FLI1: variants seen among roughly 807,000 people sequenced by gnomAD.
FLI1 encodes the protein Friend leukemia integration 1 transcription factor.
Under a neutral mutation model 53.1 loss-of-function variants are expected in FLI1, and 13 were observed. The ratio of observed to expected loss-of-function variants is 0.24; its 90% CI spans 0.16 to 0.39. The LOEUF is 0.39. Ranked by LOEUF, FLI1 falls within the 10% of genes least tolerant of loss-of-function variation. The probability of loss-of-function intolerance (pLI) is 1.00; values close to 1 mark genes in which losing one functional copy is unlikely to be tolerated. For missense variants in FLI1, 424 were observed against 600.5 expected (o/e 0.71, Z 3.07); for synonymous variants, 244 against 236.7 (o/e 1.03, Z -0.28).
upstream of FLI1, among the ~76,000 whole-genome samples, chr11:128,689,724 G>A (rs1937661826): frequency 6.6e-6 from 1 of 152,232 alleles, no homozygotes; most frequent in African/African-American, 2.4e-5. Context: ...CACTGGGCGA[G>A]GGTCTGGACA....
rs373372434 is a variant in FLI1 at position 128,778,904 on chromosome 11, T to G, written c.590-3054T>G. Among the ~76,000 whole-genome samples the G allele has an allele frequency of 1.7e-4, 26 of 152,244 alleles. No homozygotes were observed. The East Asian group carries it at 5.0e-3, about 29-fold the overall frequency. On this transcript the variant is annotated intron_variant, in intron 4 of 8. Transcript: ENST00000527786. ...AAGAAAACAGAGCCTGGGGAACTAA[T>G]GAAGTAGAAATCGGAGAAGAGGAGG...
chr11:128,725,373 AGGC>A (rs1162825725), intron 1 of FLI1, among the ~76,000 whole-genome samples: 1 of 152,162 alleles, frequency 6.6e-6, no homozygotes, highest in African/African-American at 2.4e-5. Context: ...GCAGGACATA[AGGC>A]GGCCGGCCGG....
intron 5 of FLI1, among the ~76,000 whole-genome samples, chr11:128,799,547 C>A (rs1369997654): frequency 2.0e-5 from 3 of 152,166 alleles, no homozygotes; most frequent in Non-Finnish European, 4.4e-5. Flanking sequence ...CTCCACAAGG[C>A]CAATGGCGGA....
rs2135926074 is a variant in FLI1, at chr11:128,810,938, C to T, written c.1309C>T (p.Pro437Ser). The change falls in exon 9 of 9, where the codon CCC becomes TCC. Residue 437 changes from proline (P) to serine (S), a missense_variant. By Grantham distance (74) the Pro-to-Ser change is moderately conservative. Around this residue, in one of 5 missense-constraint regions of FLI1, gnomAD observed 87 missense variants for 100.0 expected, o/e 0.87. Coordinates refer to ENST00000527786, the MANE Select transcript of FLI1 (RefSeq NM_002017.5). This position sits in a 1 kb window ranked among gnomAD's most constrained non-coding sequence, Gnocchi z 6.6. Reference protein sequence around the residue: ...TGGIYPNPNVPRHPNTHVPSH... With the variant: ...TGGIYPNPNVSRHPNTHVPSH... ...GGGAATCTACCCCAACCCCAACGTCCCCCGCCATCCTAACACCCACGTGCC... is the reference window on the plus strand; with the variant it reads ...GGGAATCTACCCCAACCCCAACGTCTCCCGCCATCCTAACACCCACGTGCC... The T allele has an allele frequency of 1.9e-6, 3 of 1,614,054 alleles. No individual in the cohort carries two copies. Among genetic ancestry groups the T allele is most frequent in the Non-Finnish European group, 2.5e-6 (3 of 1,179,904 alleles).
rs766864970 is a variant in FLI1 at position 128,782,018 on chromosome 11, A to G, written c.650A>G (p.Lys217Arg). 6.2e-7 allele frequency: 1 copy of G among 1,613,444 alleles called. No individual in the cohort carries two copies. The highest frequency in any genetic ancestry group is 8.5e-7 in the Non-Finnish European group (1 of 1,179,408). The change falls in exon 5 of 9, where the codon AAA becomes AGA. Residue 217 changes from lysine to arginine, a missense_variant. Physicochemically the swap from Lys to Arg is conservative, Grantham distance 26 (BLOSUM62 2). Coordinates refer to ENST00000527786, the MANE Select transcript of FLI1 (RefSeq NM_002017.5). ...GACCAATCCTCACGATTGAGTGTCAAAGAAGGTAAGTTTGTTCTTTTGTGC... is the reference window on the plus strand; with the variant it reads ...GACCAATCCTCACGATTGAGTGTCAGAGAAGGTAAGTTTGTTCTTTTGTGC... ...HTDQSSRLSVKEDPSYDSVRR... is the reference protein window; with the variant it reads ...HTDQSSRLSVREDPSYDSVRR...
At chr11:128,701,545 A>ACCTTCAGTACAGAACTT (rs1938334239) in intron 1 of FLI1, among the ~76,000 whole-genome samples, 1 of 152,222 alleles carries the variant, frequency 6.6e-6, no homozygotes, top group Non-Finnish European at 1.5e-5. Context: ...GATCAACTTT[A>ACCTTCAGTACAGAACTT]CAGTACCTTC....
intron 1 of FLI1, among the ~76,000 whole-genome samples, chr11:128,720,836 T>C (rs1290534806): frequency 6.6e-6 from 1 of 152,144 alleles, no homozygotes; most frequent in Non-Finnish European, 1.5e-5. Context: ...GCCGGGCTCC[T>C]TGTAAGAAAG....
intron 6 of FLI1, 194 bp from the exon 7 acceptor site, chr11:128,806,986 A>G (rs1243238296): frequency 7.6e-6 from 3 of 397,328 alleles, no homozygotes; most frequent in Non-Finnish European, 8.9e-6. Flanking sequence ...CTGCTTGTTC[A>G]TTCCTGAATC....
chr11:128,704,960 A>G lies in FLI1; in HGVS notation c.18+10684A>G, dbSNP rs145464685. The stretch of plus-strand genomic sequence containing the variant: ...ACTTGATCCCTGTAACAACCCTGTG[A>G]TGTATGTAATATTTCCATTTTGAAG... On this transcript the variant is annotated intron_variant, in intron 1 of 8. Transcript: ENST00000527786. Among the ~76,000 whole-genome samples, 37 of 152,364 alleles carry G rather than the reference A, an allele frequency of 2.4e-4. No homozygotes were observed. In the East Asian group the frequency reaches 7.1e-3, roughly 29 times the overall value.
chr11:128,704,643 C>T (rs1223024306), intron 1 of FLI1, among the ~76,000 whole-genome samples: 1 of 152,122 alleles, frequency 6.6e-6, no homozygotes, highest in East Asian at 1.9e-4. Context: ...AATGGGTTTT[C>T]TGGAAGGCTT....
At chr11:128,801,815 G>A (rs1252750896) in intron 5 of FLI1, among the ~76,000 whole-genome samples, 1 of 152,226 alleles carries the variant, frequency 6.6e-6, no homozygotes, top group Non-Finnish European at 1.5e-5. Context: ...CCTGTTCTAA[G>A]TGCTTGGATG....
At chr11:128,724,833 CCA>C (rs1255152207) in intron 1 of FLI1, among the ~76,000 whole-genome samples, 5 of 152,120 alleles carry the variant, frequency 3.3e-5, no homozygotes, top group African/African-American at 1.2e-4. Flanking sequence ...TTTAGGAGGC[CCA>C]GTCATTCCTC....
At chr11:128,729,651 C>T (rs1027045109) in intron 1 of FLI1, among the ~76,000 whole-genome samples, 6 of 152,152 alleles carry the variant, frequency 3.9e-5, no homozygotes, top group East Asian at 3.8e-4. Context: ...TTTTACCAGT[C>T]GTCATGTACA....
chr11:128,764,712 G>T, intron 2 of FLI1: 1 of 1,554,940 alleles, frequency 6.4e-7, no homozygotes, highest in Non-Finnish European at 8.6e-7. Flanking sequence ...CCCACCCTGA[G>T]CGGCAGCCGT....
At chr11:128,766,600 C>T (rs1297025614) in intron 2 of FLI1, among the ~76,000 whole-genome samples, 1 of 151,922 alleles carries the variant, frequency 6.6e-6, no homozygotes, top group African/African-American at 2.4e-5. Context: ...ATTGAATGTG[C>T]TCAGGCCTCC....
intron 1 of FLI1, among the ~76,000 whole-genome samples, chr11:128,736,015 TG>T (rs1485674343): frequency 5.3e-5 from 8 of 152,174 alleles, no homozygotes. Flanking sequence ...GAGGCCAAAT[TG>T]ATCATCTTTA....
rs749468266 is a variant in FLI1 at position 128,811,369 on chromosome 11, A to G, written c.*381A>G. 6.6e-5 allele frequency: 21 copies of G among 319,722 alleles called. No homozygotes were observed. Among genetic ancestry groups the G allele is most frequent in the Non-Finnish European group, 1.1e-4 (19 of 172,252 alleles). The allele number at this position is 319,722 out of a possible 1,614,324, so 19.8% of individuals were successfully genotyped here. On this transcript the variant is annotated 3_prime_UTR_variant, in exon 9 of 9. Transcript: ENST00000527786. ...CAATACACGGGGTTCAGTATGACAC[A>G]GAATCATGGACTTAACCCGTCATGT... is the stretch of plus-strand genomic sequence containing the variant.
intron 7 of FLI1, among the ~76,000 whole-genome samples, chr11:128,807,725 T>C (rs1942823786): frequency 6.6e-6 from 1 of 152,256 alleles, no homozygotes; most frequent in African/African-American, 2.4e-5. Flanking sequence ...AACTTGGAGA[T>C]TTCTGGGTCT....
exon 1 of FLI1, chr11:128,686,680 C>A (rs932039983): frequency 2.9e-6 from 1 of 350,516 alleles, no homozygotes; most frequent in South Asian, 2.1e-5. Flanking sequence ...AGACAGTCCC[C>A]GACACGTCGT....
Sources: allele counts gnomAD v4.1 joint callset (sites outside exome capture counted in the v4.1 genomes callset), GRCh38; gene constraint gnomAD v4.1.1; regional missense constraint gnomAD v4.1.1; non-coding constraint Gnocchi (gnomAD v3.1); transcripts MANE v1.5; gene names NCBI Gene and HGNC (gene_info 2026-07-23, HGNC 2026-07-21).